The following HSD17B6 variants were observed in gnomAD, a reference collection of about 807,000 sequenced individuals.
The protein encoded by HSD17B6 is 17-beta-hydroxysteroid dehydrogenase type 6.
Under a neutral mutation model 26.4 loss-of-function variants are expected in HSD17B6, and 16 were observed. The observed-to-expected ratio is 0.61, with a 90% confidence interval of 0.41 to 0.92. The LOEUF (loss-of-function observed/expected upper bound fraction) is 0.92. Among genes scored for constraint, HSD17B6 ranks in the 40% least tolerant of loss-of-function variants. HSD17B6 has a pLI of 0.00. For missense variants in HSD17B6, 357 were observed against 386.1 expected (o/e 0.92, Z 0.63); for synonymous variants, 139 against 153.0 (o/e 0.91, Z 0.68).
chr12:56,782,026 T>A lies in HSD17B6; in HGVS notation c.366T>A (p.Cys122Ter). The A allele has an allele frequency of 6.2e-7, 1 of 1,614,182 alleles. No homozygotes were observed. Among genetic ancestry groups the A allele is most frequent in the South Asian group, 1.1e-5 (1 of 91,076 alleles). ...NAGILTPITL[C>*]EWLNTEDSMN... ...GCATTCTTACACCAATTACCTTATG[T>A]GAGTGGCTGAACACTGAGGACTCTA... The change falls in exon 3 of 5, where the codon TGT (cysteine) becomes TGA (stop). Residue 122 changes from cysteine (C) to a stop codon, truncating the protein, a stop_gained. Coordinates refer to ENST00000322165, the MANE Select transcript of HSD17B6 (RefSeq NM_003725.4). LOFTEE classifies it high-confidence loss of function.
At chr12:56,765,849 A>G (rs1954315834) in intron 1 of HSD17B6, among the ~76,000 whole-genome samples, 1 of 152,128 alleles carries the variant, frequency 6.6e-6, no homozygotes, top group African/African-American at 2.4e-5. Context: ...TGGGGCAGGA[A>G]AGCTCATGCA....
chr12:56,765,164 C>G (rs528858535), intron 1 of HSD17B6, among the ~76,000 whole-genome samples: 377 of 151,898 alleles, frequency 2.5e-3, no homozygotes, highest in Admixed American at 3.7e-3. Context: ...AGGCTGGGTG[C>G]GGTGGCTCAC....
At chr12:56,767,812 AAT>A (rs932999895) in intron 1 of HSD17B6, among the ~76,000 whole-genome samples, 35 of 146,788 alleles carry the variant, frequency 2.4e-4, no homozygotes, top group East Asian at 1.8e-3. Flanking sequence ...GTGTATATAT[AAT>A]ATATATGTGT....
chr12:56,783,514 G>A (rs71462343), intron 3 of HSD17B6, among the ~76,000 whole-genome samples: 68 of 144,636 alleles, frequency 4.7e-4, no homozygotes, highest in African/African-American at 1.7e-3. Flanking sequence ...CCTCCCTCCC[G>A]GATGGGGCGG....
Position 56,773,846 on chromosome 12 carries a change from C to A in HSD17B6, c.-7C>A. On this transcript the variant is annotated 5_prime_UTR_variant, in exon 2 of 5. Transcript: ENST00000322165. Reference sequence around the variant, plus strand: ...TTTCTATTGAAAGAGAAGGAAGCACCCTCACTATGTGGCTCTACCTGGCGG... The same window carrying A: ...TTTCTATTGAAAGAGAAGGAAGCACACTCACTATGTGGCTCTACCTGGCGG... 3.9e-6 allele frequency: 6 copies of A among 1,522,502 alleles called. No homozygotes were observed. The highest frequency in any genetic ancestry group is 5.3e-6 in the Non-Finnish European group (6 of 1,134,434). 94.3% of individuals were successfully genotyped at this position (1,522,502 alleles called of 1,614,324 possible). A position where few individuals can be genotyped will look rare whatever the true frequency, so the allele number is the denominator to read the frequency against.
At chr12:56,767,771 TGTG>T (rs1393441898) in intron 1 of HSD17B6, among the ~76,000 whole-genome samples, 4 of 146,460 alleles carry the variant, frequency 2.7e-5, no homozygotes, top group African/African-American at 7.5e-5. Flanking sequence ...GTGTATATAT[TGTG>T]TATATTATGT....
intron 4 of HSD17B6, among the ~76,000 whole-genome samples, chr12:56,786,640 A>G (rs984394057): frequency 1.3e-5 from 2 of 152,190 alleles, no homozygotes; most frequent in African/African-American, 4.8e-5. Flanking sequence ...GCTTGAGCCC[A>G]GGAATTCAAG....
At chr12:56,763,820 A>G (rs535492525) in intron 1 of HSD17B6, among the ~76,000 whole-genome samples, 1 of 152,148 alleles carries the variant, frequency 6.6e-6, no homozygotes, top group South Asian at 2.1e-4. Flanking sequence ...AAGATCCCAG[A>G]ACTCTGAGAG....
intron 4 of HSD17B6, 75 bp downstream of exon 4, chr12:56,785,091 CTG>C (rs1472893021): frequency 9.3e-6 from 13 of 1,391,316 alleles, no homozygotes; most frequent in Non-Finnish European, 1.3e-5. Context: ...GAAGAAATAA[CTG>C]AGACTGGGTA....
chr12:56,777,081 C>A (rs1425579831), intron 2 of HSD17B6, among the ~76,000 whole-genome samples: 1 of 152,154 alleles, frequency 6.6e-6, no homozygotes, highest in Non-Finnish European at 1.5e-5. Flanking sequence ...TGCAAAGTAG[C>A]AATGAAATTG....
intron 2 of HSD17B6, among the ~76,000 whole-genome samples, chr12:56,778,310 TAG>T (rs1321654507): frequency 6.6e-6 from 1 of 152,152 alleles, no homozygotes; most frequent in African/African-American, 2.4e-5. Context: ...TTCTTGGAGA[TAG>T]AGTCTTGCTG....
chr12:56,782,950 G>T (rs2137927536), intron 3 of HSD17B6, among the ~76,000 whole-genome samples: 1 of 152,176 alleles, frequency 6.6e-6, no homozygotes, highest in Non-Finnish European at 1.5e-5. Flanking sequence ...GAGAGCACAG[G>T]GTTGGGGTTA....
At chr12:56,772,495 G>A (rs1028563728) in intron 1 of HSD17B6, among the ~76,000 whole-genome samples, 1 of 151,958 alleles carries the variant, frequency 6.6e-6, no homozygotes, top group Non-Finnish European at 1.5e-5. Flanking sequence ...AGGAGTTCAC[G>A]ACTAGCCTGG....
At chr12:56,783,783 C>T (rs2137931252) in intron 3 of HSD17B6, among the ~76,000 whole-genome samples, 1 of 147,656 alleles carries the variant, frequency 6.8e-6, no homozygotes, top group Admixed American at 6.7e-5. Flanking sequence ...AGGCACCCCT[C>T]ACCTCCCGGA....
At position 56,773,918 on chromosome 12, in the gene HSD17B6, G is replaced by C; in HGVS notation, c.66G>C (p.Gln22His). The C allele has an allele frequency of 6.2e-7, 1 of 1,613,514 alleles. No homozygotes were observed. Among genetic ancestry groups the C allele is most frequent in the Middle Eastern group, 1.7e-4 (1 of 6,060 alleles). Residue 22 changes from glutamine (Q) to histidine (H), a missense_variant, in exon 2 of 5, where the codon CAG (glutamine) becomes CAC (histidine). Gln to His is a conservative substitution (Grantham distance 24). Coordinates refer to ENST00000322165, the MANE Select transcript of HSD17B6 (RefSeq NM_003725.4). ...YYLLHWYRER[Q>H]VVSHLQDKYV... ...TTCTGCACTGGTACCGGGAGAGGCAGGTGGTGAGCCACCTCCAAGACAAGT... is the reference window on the plus strand; with the variant it reads ...TTCTGCACTGGTACCGGGAGAGGCACGTGGTGAGCCACCTCCAAGACAAGT...
chr12:56,775,362 C>T (rs531597560), intron 2 of HSD17B6, among the ~76,000 whole-genome samples: 9 of 152,180 alleles, frequency 5.9e-5, no homozygotes, highest in African/African-American at 9.6e-5. Context: ...GGATTAGAAG[C>T]GGTTGCCACC....
At chr12:56,785,871 C>T in intron 4 of HSD17B6, 1 of 799,768 alleles carries the variant, frequency 1.3e-6, no homozygotes, top group Non-Finnish European at 1.5e-6. Context: ...CCCTATGGGC[C>T]ATTCCCTGAG....
intron 1 of HSD17B6, among the ~76,000 whole-genome samples, chr12:56,769,223 C>A (rs1242744094): frequency 6.6e-6 from 1 of 151,932 alleles, no homozygotes. Flanking sequence ...GTGCCTCCGC[C>A]TCCCAAGTAG....
Position 56,787,575 on chromosome 12 carries a change from A to G in HSD17B6, c.*233A>G. On this transcript the variant is annotated 3_prime_UTR_variant, in exon 5 of 5. Transcript: ENST00000322165. ...CCTTTTTTGATGAGACTATTTGTCTAAAGTGAATCATTTGTTCTTGCCTTA... is the reference window on the plus strand; with the variant it reads ...CCTTTTTTGATGAGACTATTTGTCTGAAGTGAATCATTTGTTCTTGCCTTA... 2.0e-6 allele frequency: 1 copy of G among 504,646 alleles called. No homozygotes were observed. The highest frequency in any genetic ancestry group is 2.5e-5 in the South Asian group (1 of 40,498). The allele number at this position is 504,646 out of a possible 1,614,324, so 31.3% of individuals were successfully genotyped here. A position where few individuals can be genotyped will look rare whatever the true frequency, so the allele number is the denominator to read the frequency against.
Sources: gnomAD v4.1 joint callset for allele counts (sites outside exome capture counted in the v4.1 genomes callset) on GRCh38, gnomAD v4.1.1 for gene constraint, MANE v1.5 for transcripts, NCBI Gene and HGNC (gene_info 2026-07-23, HGNC 2026-07-21) for gene names.